The following CTNNA3 variants were observed in gnomAD, a reference collection of about 807,000 sequenced individuals.
The protein encoded by CTNNA3 is catenin alpha 3, also known as catenin alpha-3.
In CTNNA3, 76 loss-of-function variants were observed where a neutral mutation model predicts 95.7. That is an observed-to-expected ratio of 0.79 (90% CI 0.66 to 0.96). CTNNA3 has a LOEUF of 0.96. CTNNA3 is among the 40% of genes least tolerant of loss of function. The pLI is 0.00. For missense variants in CTNNA3, 1,191 were observed against 1,089.8 expected (o/e 1.09, Z -1.31); for synonymous variants, 431 against 374.4 (o/e 1.15, Z -1.74).
At chr10:65,982,554 C>T (rs78591114) in intron 16 of CTNNA3, among the ~76,000 whole-genome samples, 3 of 150,630 alleles carry the variant, frequency 2.0e-5, no homozygotes, top group South Asian at 2.1e-4. Flanking sequence ...CTTGCACACA[C>T]GTTTATAGCA....
At chr10:67,474,361 T>A (rs946337846) in intron 5 of CTNNA3, among the ~76,000 whole-genome samples, 2 of 151,998 alleles carry the variant, frequency 1.3e-5, no homozygotes, top group African/African-American at 2.4e-5. Flanking sequence ...GAAGAGAAAA[T>A]TTGAACACAC....
upstream of CTNNA3, among the ~76,000 whole-genome samples, chr10:67,698,848 C>CAA (rs60228246): frequency 7.2e-3 from 1,030 of 143,770 alleles, 5 homozygotes; most frequent in Middle Eastern, 0.011. Context: ...ACTATTAATA[C>CAA]AAAAAAAAAA....
intron 11 of CTNNA3, among the ~76,000 whole-genome samples, chr10:66,516,116 T>C (rs1348137737): frequency 3.3e-5 from 5 of 150,426 alleles, no homozygotes; most frequent in Non-Finnish European, 7.4e-5. Flanking sequence ...ATTTTGGACC[T>C]ACAGCATCTA....
chr10:66,152,910 C>G (rs987391728), intron 13 of CTNNA3, among the ~76,000 whole-genome samples: 3 of 151,814 alleles, frequency 2.0e-5, no homozygotes, highest in African/African-American at 7.2e-5. Context: ...CCATTATTTT[C>G]TTGAATATTT....
chr10:66,544,790 G>A (rs1841986697), intron 10 of CTNNA3, among the ~76,000 whole-genome samples: 1 of 152,082 alleles, frequency 6.6e-6, no homozygotes, highest in Admixed American at 6.5e-5. Context: ...AGATTGTGTT[G>A]TTAAATAATA....
chr10:66,697,048 T>C (rs1215159889), intron 9 of CTNNA3, among the ~76,000 whole-genome samples: 1 of 152,060 alleles, frequency 6.6e-6, no homozygotes, highest in Non-Finnish European at 1.5e-5. Flanking sequence ...CCAAGATGCC[T>C]AGGTGGAATT....
chr10:66,770,485 G>C (rs1840045836), intron 8 of CTNNA3, among the ~76,000 whole-genome samples: 1 of 152,174 alleles, frequency 6.6e-6, no homozygotes, highest in African/African-American at 2.4e-5. Context: ...ATAAATACCT[G>C]TTTGTGGCCA....
In CTNNA3 at chr10:66,293,827, G is replaced by A. The variant is rs376954081; in HGVS notation, c.1733-13206C>T. On this transcript the variant is annotated intron_variant, in intron 12 of 17. Coordinates refer to ENST00000433211, the MANE Select transcript of CTNNA3 (RefSeq NM_013266.4). ...ATTACAGGCGCCTGCCACCACGCCC[G>A]GCTAATTTTTTGTGTTTTTAGTAGA... Among the ~76,000 whole-genome samples the A allele has an allele frequency of 4.6e-5, 7 of 151,676 alleles. No individual in the cohort carries two copies. The East Asian group carries it at 1.2e-3, about 25-fold the overall frequency.
At chr10:66,558,618 T>G (rs1429337861) in intron 10 of CTNNA3, among the ~76,000 whole-genome samples, 12 of 152,162 alleles carry the variant, frequency 7.9e-5, no homozygotes, top group Admixed American at 7.9e-4. Context: ...TTTTCACACC[T>G]TGTGGGTGTG....
intron 6 of CTNNA3, among the ~76,000 whole-genome samples, chr10:67,210,149 T>C (rs1864080167): frequency 6.6e-6 from 1 of 151,800 alleles, no homozygotes; most frequent in Admixed American, 6.6e-5. Flanking sequence ...CTACTAAAAA[T>C]ACAAAAAATT....
chr10:66,388,746 G>T (rs1251075668), intron 11 of CTNNA3, among the ~76,000 whole-genome samples: 1 of 152,078 alleles, frequency 6.6e-6, no homozygotes, highest in African/African-American at 2.4e-5. Context: ...TATTAGAGAA[G>T]ATGTGTAAAT....
chr10:67,759,905 T>A (rs1410174925), intron 1 of CTNNA3, among the ~76,000 whole-genome samples: 1 of 152,140 alleles, frequency 6.6e-6, no homozygotes, highest in Non-Finnish European at 1.5e-5. Flanking sequence ...CAGATGAGAT[T>A]GCAGCCCCAG....
chr10:66,167,661 T>C (rs2085203626), intron 13 of CTNNA3, among the ~76,000 whole-genome samples: 1 of 152,136 alleles, frequency 6.6e-6, no homozygotes. Flanking sequence ...TTAATCTATG[T>C]CCTCTGAGAA....
chr10:67,113,497 C>A (rs1859009557), intron 7 of CTNNA3, among the ~76,000 whole-genome samples: 1 of 152,198 alleles, frequency 6.6e-6, no homozygotes, highest in Non-Finnish European at 1.5e-5. Flanking sequence ...TCAAGACTTT[C>A]TCCACTAACA....
chr10:67,329,815 T>G (rs1214200168), intron 5 of CTNNA3, among the ~76,000 whole-genome samples: 1 of 152,226 alleles, frequency 6.6e-6, no homozygotes, highest in Non-Finnish European at 1.5e-5. Context: ...GACAGAAGTT[T>G]ACTTTGCTTT....
At chr10:67,532,696 A>G (rs927342843) in intron 4 of CTNNA3, among the ~76,000 whole-genome samples, 5 of 152,216 alleles carry the variant, frequency 3.3e-5, no homozygotes, top group African/African-American at 7.2e-5. Flanking sequence ...TGGGAGCAAG[A>G]TACCAAGGAG....
intron 13 of CTNNA3, among the ~76,000 whole-genome samples, chr10:66,202,261 T>C (rs1000211903): frequency 1.3e-5 from 2 of 152,218 alleles, no homozygotes; most frequent in Non-Finnish European, 2.9e-5. Flanking sequence ...TAAAGGTTTC[T>C]CAGTACACCG....
At chr10:67,592,280 A>G (rs1160488549) in intron 3 of CTNNA3, among the ~76,000 whole-genome samples, 1 of 152,090 alleles carries the variant, frequency 6.6e-6, no homozygotes, top group Non-Finnish European at 1.5e-5. Flanking sequence ...TCCAATGTCC[A>G]TGTACCTTAT....
intron 9 of CTNNA3, among the ~76,000 whole-genome samples, chr10:66,636,874 A>G (rs540837351): frequency 3.3e-5 from 5 of 152,172 alleles, no homozygotes; most frequent in African/African-American, 1.2e-4. Context: ...TAGAGCTATT[A>G]ATAATGAAAA....
Sources: gnomAD v4.1 joint callset for allele counts (sites outside exome capture counted in the v4.1 genomes callset) on GRCh38, gnomAD v4.1.1 for gene constraint, MANE v1.5 for transcripts, NCBI Gene and HGNC (gene_info 2026-07-23, HGNC 2026-07-21) for gene names.